The following EYS variants were observed in gnomAD, a reference collection of about 807,000 sequenced individuals.
EYS encodes EGF-like photoreceptor maintenance factor.
Under a neutral mutation model 282.1 loss-of-function variants are expected in EYS, and 250 were observed. The ratio of observed to expected loss-of-function variants is 0.89; its 90% CI spans 0.80 to 0.98. The LOEUF is 0.98. Among genes scored for constraint, EYS ranks in the 50% least tolerant of loss-of-function variants. The pLI is 0.00. For synonymous variants in EYS, 1,355 were observed against 1,282.9 expected (o/e 1.06, Z -1.20); for missense variants, 4,016 against 3,709.0 (o/e 1.08, Z -2.15).
chr6:64,306,991 T>C lies in EYS; in HGVS notation c.6170A>G (p.Asn2057Ser), dbSNP rs2150375946. Residue 2057 changes from asparagine to serine, a missense_variant, in exon 30 of 43, where the codon AAC becomes AGC. Coordinates refer to ENST00000503581, the MANE Select transcript of EYS (RefSeq NM_001142800.2). ...TTACCTGCAATTGTTAATGTGATAG[T>C]TTTTCACTGCCTTGGATGGAATGAA... Reference protein sequence around the residue: ...RSFIPSKAVKNYHINNCRSQG... With the variant: ...RSFIPSKAVKSYHINNCRSQG... The C allele has an allele frequency of 1.2e-5, 18 of 1,525,906 alleles. No individual in the cohort carries two copies. Among genetic ancestry groups the C allele is most frequent in the Non-Finnish European group, 1.6e-5 (18 of 1,126,030 alleles). 94.5% of individuals were successfully genotyped at this position (1,525,906 alleles called of 1,614,324 possible).
chr6:65,087,206 C>T (rs77715476), intron 12 of EYS, among the ~76,000 whole-genome samples: 3,177 of 152,084 alleles, frequency 0.021, 101 homozygotes, highest in African/African-American at 0.073. Context: ...TCCATCCTCT[C>T]ACACACTAGA....
At chr6:64,512,338 A>G (rs1777436114) in intron 26 of EYS, among the ~76,000 whole-genome samples, 1 of 152,096 alleles carries the variant, frequency 6.6e-6, no homozygotes, top group Non-Finnish European at 1.5e-5. Context: ...TGTGGAAAGA[A>G]TAGTACCAGC....
At chr6:64,116,129 T>C (rs988456746) in intron 31 of EYS, among the ~76,000 whole-genome samples, 1 of 151,866 alleles carries the variant, frequency 6.6e-6, no homozygotes, top group Non-Finnish European at 1.5e-5. Flanking sequence ...AAAACTGCAA[T>C]GGAGAGCATC....
chr6:65,315,275 C>T (rs553832489), intron 11 of EYS, among the ~76,000 whole-genome samples: 1 of 152,206 alleles, frequency 6.6e-6, no homozygotes, highest in Non-Finnish European at 1.5e-5. Flanking sequence ...AAAGTTTGAG[C>T]TTTTGTATCT....
chr6:64,864,733 G>A (rs973803005), intron 19 of EYS, among the ~76,000 whole-genome samples: 5 of 151,230 alleles, frequency 3.3e-5, no homozygotes, highest in African/African-American at 7.3e-5. Flanking sequence ...ATTTTAAGTT[G>A]ACTTAGAAAG....
intron 33 of EYS, among the ~76,000 whole-genome samples, chr6:64,016,675 T>A (rs1768908473): frequency 6.6e-6 from 1 of 151,932 alleles, no homozygotes; most frequent in South Asian, 2.1e-4. Context: ...AGGGTCTCAT[T>A]ATGCTGCCAA....
intron 12 of EYS, among the ~76,000 whole-genome samples, chr6:65,204,874 G>A (rs1257419171): frequency 1.4e-5 from 2 of 147,326 alleles, no homozygotes; most frequent in African/African-American, 5.0e-5. Context: ...TATATATTCT[G>A]GAAGAACGTA....
chr6:64,197,880 G>GA (rs1765339901), intron 31 of EYS, among the ~76,000 whole-genome samples: 1 of 151,348 alleles, frequency 6.6e-6, no homozygotes, highest in Admixed American at 6.6e-5. Flanking sequence ...CTCTTAATGG[G>GA]AAAATTCAGT....
chr6:65,500,176 G>A (rs1204990662), intron 2 of EYS, among the ~76,000 whole-genome samples: 1 of 151,876 alleles, frequency 6.6e-6, no homozygotes, highest in African/African-American at 2.4e-5. Context: ...CACCCAGTTA[G>A]GCTTCTGAGG....
At chr6:63,888,226 A>G (rs1385429484) in intron 35 of EYS, among the ~76,000 whole-genome samples, 1 of 152,210 alleles carries the variant, frequency 6.6e-6, no homozygotes, top group Non-Finnish European at 1.5e-5. Flanking sequence ...GCAGACTTAT[A>G]CATTCCTGCC....
intron 5 of EYS, among the ~76,000 whole-genome samples, chr6:65,465,824 T>C (rs971646547): frequency 1.3e-5 from 2 of 151,878 alleles, no homozygotes; most frequent in African/African-American, 2.4e-5. Context: ...TCTACAAAAT[T>C]TTTTAAATCA....
intron 22 of EYS, among the ~76,000 whole-genome samples, chr6:64,687,131 C>T (rs1583040813): frequency 1.3e-5 from 2 of 151,524 alleles, no homozygotes; most frequent in African/African-American, 2.4e-5. Context: ...AGAAATAATG[C>T]TAATTCTACA....
At chr6:63,976,926 A>T (rs1766862948) in intron 35 of EYS, among the ~76,000 whole-genome samples, 1 of 151,990 alleles carries the variant, frequency 6.6e-6, no homozygotes, top group African/African-American at 2.4e-5. Context: ...TATTTAGAAT[A>T]GGAAAATAAA....
At chr6:65,570,967 A>T (rs1205902093) in intron 2 of EYS, among the ~76,000 whole-genome samples, 1 of 152,092 alleles carries the variant, frequency 6.6e-6, no homozygotes, top group African/African-American at 2.4e-5. Context: ...TCCATTACAC[A>T]TGTACATTTG....
chr6:64,650,151 C>T (rs1768506678), intron 22 of EYS, among the ~76,000 whole-genome samples: 1 of 151,744 alleles, frequency 6.6e-6, no homozygotes, highest in Non-Finnish European at 1.5e-5. Flanking sequence ...AGATATATAG[C>T]CATGCAAATA....
chr6:64,349,553 G>A (rs1771538948), intron 29 of EYS, among the ~76,000 whole-genome samples: 1 of 151,166 alleles, frequency 6.6e-6, no homozygotes, highest in Non-Finnish European at 1.5e-5. Flanking sequence ...AAGAGTTAAT[G>A]ATTCTATAAA....
chr6:64,820,200 CAAA>C (rs948049334), intron 21 of EYS, among the ~76,000 whole-genome samples: 4 of 151,572 alleles, frequency 2.6e-5, no homozygotes, highest in Non-Finnish European at 4.4e-5. Context: ...ACTTCTAAGA[CAAA>C]AAAGTCACTG....
intron 12 of EYS, among the ~76,000 whole-genome samples, chr6:65,266,219 G>A (rs1178350447): frequency 6.6e-6 from 1 of 151,752 alleles, no homozygotes; most frequent in African/African-American, 2.4e-5. Context: ...ATTCATTCTA[G>A]TTATTGCAAC....
chr6:64,184,320 A>G (rs1440961882), intron 31 of EYS, among the ~76,000 whole-genome samples: 1 of 152,182 alleles, frequency 6.6e-6, no homozygotes, highest in African/African-American at 2.4e-5. Flanking sequence ...TAGTTATTTG[A>G]TCAAAAAAGC....
Sources: allele counts gnomAD v4.1 joint callset (sites outside exome capture counted in the v4.1 genomes callset), GRCh38; gene constraint gnomAD v4.1.1; transcripts MANE v1.5; gene names NCBI Gene and HGNC (gene_info 2026-07-23, HGNC 2026-07-21).